GBP1: variants seen among roughly 807,000 people sequenced by gnomAD.
The protein encoded by GBP1 is guanylate-binding protein 1.
GBP1 carries 64 observed loss-of-function variants against 69.5 expected under a neutral mutation model. The ratio of observed to expected loss-of-function variants is 0.92; its 90% confidence interval spans 0.75 to 1.13. The LOEUF is 1.13. GBP1 is among the 50% of genes most tolerant of loss of function. The probability of loss-of-function intolerance (pLI) is 0.00; values close to 1 mark genes in which losing one functional copy is unlikely to be tolerated. For synonymous variants in GBP1, 250 were observed against 261.2 expected, an observed-to-expected ratio of 0.96 and a Z score of 0.41; for missense variants, 630 against 704.1, an observed-to-expected ratio of 0.89 and a Z score of 1.19.
rs369775165 is a variant in GBP1, at chr1:89,053,182, CTTT to C, written c.*170_*172del. On this transcript the variant is annotated 3_prime_UTR_variant, in exon 11 of 11. Transcript: ENST00000370473. ...GCATCTTTGTTGCACAATTTACAGT[CTTT>C]TTTTTTTTTTAAGAAAAAACATGAT... The C allele has an allele frequency of 4.4e-5, 19 of 427,014 alleles. No individual in the cohort carries two copies. Among genetic ancestry groups the C allele is most frequent in the South Asian group, 8.0e-5 (2 of 25,030 alleles). The allele number at this position is 427,014 out of a possible 1,614,324, so 26.5% of individuals were successfully genotyped here.
At chr1:89,055,606 G>T in intron 8 of GBP1, 1 of 345,430 alleles carries the variant, frequency 2.9e-6, no homozygotes, top group South Asian at 3.0e-5. Flanking sequence ...GTGGGGATGG[G>T]GGAACACTGG....
chr1:89,057,604 G>A (rs569884552), intron 6 of GBP1, among the ~76,000 whole-genome samples: 42 of 152,356 alleles, frequency 2.8e-4, no homozygotes, highest in South Asian at 1.9e-3. Context: ...TGCTGGGAAT[G>A]TTGTATATGT....
intron 1 of GBP1, 83 bp from the exon 2 acceptor site, chr1:89,063,336 C>T (rs560080177): frequency 7.7e-7 from 1 of 1,303,694 alleles, no homozygotes; most frequent in Admixed American, 2.2e-5. Flanking sequence ...CCAGTATGGC[C>T]AAAAGTTTTG....
At chr1:89,061,383 T>C (rs535757499) in intron 2 of GBP1, among the ~76,000 whole-genome samples, 1 of 152,124 alleles carries the variant, frequency 6.6e-6, no homozygotes, top group South Asian at 2.1e-4. Flanking sequence ...GTCAAATGAT[T>C]TCCAGTATGG....
intron 2 of GBP1, 112 bp downstream of exon 2, chr1:89,062,933 G>C: frequency 7.5e-7 from 1 of 1,329,486 alleles, no homozygotes; most frequent in Non-Finnish European, 1.1e-6. Flanking sequence ...TGAATGGAAA[G>C]TTAGCTTTCA....
chr1:89,058,717 T>C (rs1680106235), intron 5 of GBP1, 124 bp downstream of exon 5: 1 of 918,120 alleles, frequency 1.1e-6, no homozygotes, highest in East Asian at 2.5e-5. Flanking sequence ...AGTATTAATT[T>C]CTAGGAATAG....
At chr1:89,056,609 TAGA>T (rs1240337820) in intron 7 of GBP1, among the ~76,000 whole-genome samples, 1 of 152,198 alleles carries the variant, frequency 6.6e-6, no homozygotes, top group African/African-American at 2.4e-5. Flanking sequence ...GTAATTTTAT[TAGA>T]AGCTCTGGTT....
chr1:89,057,742 A>G (rs1680081205), intron 6 of GBP1, among the ~76,000 whole-genome samples: 1 of 131,126 alleles, frequency 7.6e-6, no homozygotes, highest in African/African-American at 2.7e-5. Context: ...ACACTTGTCT[A>G]GGGGCTACTC....
In GBP1 at chr1:89,060,224, G is replaced by T; in HGVS notation, c.291C>A (p.Asp97Glu). ...KKPGHILVLL[D>E]TEGLGDVEKG... Reference sequence around the variant, plus strand: ...TCTCTACATCTCCCAGACCCTCGGTGTCCAGCAGAACTAGGATGTGGCCTG... The same window carrying T: ...TCTCTACATCTCCCAGACCCTCGGTTTCCAGCAGAACTAGGATGTGGCCTG... The change falls in exon 3 of 11, where the codon GAC becomes GAA. Residue 97 changes from aspartate to glutamate, a missense_variant. Coordinates refer to ENST00000370473, the MANE Select transcript of GBP1 (RefSeq NM_002053.3). 1 of 1,603,270 alleles carries T rather than the reference G, an allele frequency of 6.2e-7. No homozygotes were observed. Among genetic ancestry groups the T allele is most frequent in the Non-Finnish European group, 8.5e-7 (1 of 1,175,578 alleles).
In GBP1 at chr1:89,060,338, A is replaced by T; in HGVS notation, c.191-14T>A. 1 of 1,550,374 alleles carries T rather than the reference A, an allele frequency of 6.5e-7. No individual in the cohort carries two copies. The highest frequency in any genetic ancestry group is 1.2e-5 in the South Asian group (1 of 81,932). ...CCAGAGAGAAGCCTGCAAGGGAGAG[A>T]GGAGACCAGCGATGGGGATTTAGTA... is the stretch of plus-strand genomic sequence containing the variant. On this transcript the variant is annotated splice_polypyrimidine_tract_variant and intron_variant, in intron 2 of 10. Transcript: ENST00000370473.
In GBP1 at chr1:89,059,339, G is replaced by A; in HGVS notation, c.406C>T (p.Gln136Ter). 10 of 1,614,102 alleles carry A rather than the reference G, an allele frequency of 6.2e-6. No homozygotes were observed. The highest frequency in any genetic ancestry group is 7.6e-6 in the Non-Finnish European group (9 of 1,180,008). The change falls in exon 4 of 11, where the codon CAG becomes TAG. Residue 136 changes from glutamine (Q) to a stop codon, truncating the protein, a stop_gained. Transcript: ENST00000370473. LOFTEE classifies it high-confidence loss of function. ...FVYNSIGTIN[Q>*]QAMDQLYYVT... Reference sequence around the variant, plus strand: ...TACTACAGTTGGTCCATAGCCTGCTGGTTGATGGTTCCTATGCTATTGTAC... The same window carrying A: ...TACTACAGTTGGTCCATAGCCTGCTAGTTGATGGTTCCTATGCTATTGTAC...
chr1:89,057,877 A>C, intron 6 of GBP1, 115 bp downstream of exon 6: 3 of 1,179,308 alleles, frequency 2.5e-6, no homozygotes, highest in Non-Finnish European at 3.6e-6. Context: ...GCCATCTAGA[A>C]TTTAACACAA....
In GBP1 at chr1:89,056,028, C is replaced by T. The variant is rs753993990; in HGVS notation, c.1356G>A (p.Arg452=). 5.6e-6 allele frequency: 9 copies of T among 1,613,858 alleles called. No homozygotes were observed. The highest frequency in any genetic ancestry group is 7.6e-6 in the Non-Finnish European group (9 of 1,179,872). Residue 452 remains arginine (R), a synonymous_variant, in exon 8 of 11, where the codon AGG becomes AGA. Transcript: ENST00000370473. ...AAATCTTGGTTACCTGTATCCCCTT[C>T]CTCGGTTCCTCATAGTACTTTTTCT... ...DLKKKYYEEP[R]KGIQAEEILQ...
chr1:89,057,233 C>A (rs562650951), intron 6 of GBP1, 99 bp from the exon 7 acceptor site: 5 of 1,492,104 alleles, frequency 3.4e-6, no homozygotes, highest in African/African-American at 2.8e-5. Context: ...TTCCTCACAG[C>A]ATCAATGTCC....
At chr1:89,062,995 T>C (rs767715170) in intron 2 of GBP1, 50 bp downstream of exon 2, 2 of 1,600,706 alleles carry the variant, frequency 1.2e-6, no homozygotes, top group East Asian at 2.2e-5. Flanking sequence ...GGAGGCTGAC[T>C]GTGTAGATGG....
intron 6 of GBP1, among the ~76,000 whole-genome samples, chr1:89,057,478 C>G (rs1455628612): frequency 6.6e-6 from 1 of 152,202 alleles, no homozygotes; most frequent in Non-Finnish European, 1.5e-5. Context: ...TATCTTCAGT[C>G]TATTCATAGT....
rs934541783 is a variant in GBP1, at chr1:89,060,236, T to A, written c.279A>T (p.Leu93=). ...VPHPKKPGHI[L]VLLDTEGLGD... ...CCAGACCCTCGGTGTCCAGCAGAAC[T>A]AGGATGTGGCCTGGCTTCTTGGGGT... Residue 93 remains leucine, a synonymous_variant, in exon 3 of 11, where the codon CTA becomes CTT. Transcript: ENST00000370473. 4 of 1,602,398 alleles carry A rather than the reference T, an allele frequency of 2.5e-6. No individual in the cohort carries two copies. Among genetic ancestry groups the A allele is most frequent in the Non-Finnish European group, 3.4e-6 (4 of 1,175,270 alleles).
At chr1:89,056,803 G>T in intron 7 of GBP1, 51 bp downstream of exon 7, 1 of 1,551,170 alleles carries the variant, frequency 6.4e-7, no homozygotes, top group Non-Finnish European at 8.8e-7. Context: ...TTTCCTTGTG[G>T]TACTTTAGCT....
chr1:89,057,818 T>G (rs764605713), intron 6 of GBP1, among the ~76,000 whole-genome samples, 174 bp downstream of exon 6: 1 of 152,236 alleles, frequency 6.6e-6, no homozygotes, highest in Non-Finnish European at 1.5e-5. Flanking sequence ...TCCTTTGGCC[T>G]TTTCCTAGAC....
Sources: allele counts gnomAD v4.1 joint callset (sites outside exome capture counted in the v4.1 genomes callset), GRCh38; gene constraint gnomAD v4.1.1; transcripts MANE v1.5; gene names NCBI Gene and HGNC (gene_info 2026-07-23, HGNC 2026-07-21).